The following PACSIN2 variants were observed in gnomAD, a reference collection of about 807,000 sequenced individuals.
PACSIN2 encodes the protein protein kinase C and casein kinase substrate in neurons protein 2.
Under a neutral mutation model 63.8 loss-of-function variants are expected in PACSIN2, and 25 were observed. The observed-to-expected ratio is 0.39, with a 90% CI of 0.29 to 0.55. The LOEUF (loss-of-function observed/expected upper bound fraction) is 0.55. Among genes scored for constraint, PACSIN2 ranks in the 20% least tolerant of loss-of-function variants. PACSIN2 has a pLI of 0.62. For missense variants in PACSIN2, 518 were observed against 646.9 expected, an observed-to-expected ratio of 0.80 and a Z score of 2.16; for synonymous variants, 255 against 256.2, an observed-to-expected ratio of 1.00 and a Z score of 0.05.
At position 42,898,962 on chromosome 22, in the gene PACSIN2, G is replaced by A. The variant is rs114861145; in HGVS notation, c.61-5349C>T. Among the ~76,000 whole-genome samples, 809 of 152,266 alleles carry A rather than the reference G, an allele frequency of 5.3e-3. 8 individuals carry two copies. Among genetic ancestry groups the A allele is most frequent in the African/African-American group, 0.019 (780 of 41,538 alleles). On this transcript the variant is annotated intron_variant, in intron 2 of 10. Coordinates refer to ENST00000263246, the MANE Select transcript of PACSIN2 (RefSeq NM_001184970.3). ...TGGGGGGACTATCCAAAGAGGCCACGTCAGCTCCTCCTCCATCCTGCATGC... is the reference window on the plus strand; with the variant it reads ...TGGGGGGACTATCCAAAGAGGCCACATCAGCTCCTCCTCCATCCTGCATGC...
intron 1 of PACSIN2, among the ~76,000 whole-genome samples, chr22:42,965,020 G>A (rs1252092581): frequency 6.6e-6 from 1 of 152,198 alleles, no homozygotes; most frequent in African/African-American, 2.4e-5. Flanking sequence ...GTAGCACCTA[G>A]GTTTGTCACA....
chr22:42,979,126 G>A (rs1921895237), intron 1 of PACSIN2, among the ~76,000 whole-genome samples: 2 of 152,164 alleles, frequency 1.3e-5, no homozygotes, highest in Admixed American at 6.5e-5. Flanking sequence ...ACCTGTACTG[G>A]CTGAGACATA....
At chr22:42,987,966 C>A (rs1922755741) in intron 1 of PACSIN2, among the ~76,000 whole-genome samples, 4 of 152,028 alleles carry the variant, frequency 2.6e-5, no homozygotes, top group Admixed American at 2.6e-4. Flanking sequence ...CATGGTGAAA[C>A]CCCGTCTCTA....
chr22:42,993,972 T>C (rs1923225267), intron 1 of PACSIN2, among the ~76,000 whole-genome samples: 1 of 152,126 alleles, frequency 6.6e-6, no homozygotes, highest in African/African-American at 2.4e-5. Flanking sequence ...GTATCTGTGG[T>C]TTGCTGCTGG....
chr22:42,961,440 G>T (rs1048474257), intron 1 of PACSIN2, among the ~76,000 whole-genome samples: 15 of 105,904 alleles, frequency 1.4e-4, no homozygotes, highest in African/African-American at 6.0e-4. Context: ...ACCCAAGAAT[G>T]ATCAATTAAA....
At chr22:43,010,398 ATT>A (rs1555950816) in intron 1 of PACSIN2, among the ~76,000 whole-genome samples, 1 of 126,396 alleles carries the variant, frequency 7.9e-6, no homozygotes, top group African/African-American at 2.8e-5. Flanking sequence ...ATATATATAT[ATT>A]TTTTTTTAAT....
intron 1 of PACSIN2, among the ~76,000 whole-genome samples, chr22:42,943,388 C>T (rs542083977): frequency 4.5e-4 from 68 of 152,054 alleles, no homozygotes; most frequent in Non-Finnish European, 7.5e-4. Context: ...GTTTTCTTGT[C>T]TAACTTCGAA....
chr22:42,942,836 A>C (rs1167839102), intron 1 of PACSIN2, among the ~76,000 whole-genome samples: 1 of 152,150 alleles, frequency 6.6e-6, no homozygotes, highest in Non-Finnish European at 1.5e-5. Flanking sequence ...GTAAATTGGG[A>C]AGTGTGAGCC....
chr22:43,001,257 C>T (rs1389977867), intron 1 of PACSIN2, among the ~76,000 whole-genome samples: 1 of 152,208 alleles, frequency 6.6e-6, no homozygotes, highest in Non-Finnish European at 1.5e-5. Context: ...TTGGGAGTAA[C>T]CGCCAGCTTA....
chr22:42,958,025 C>G (rs906401298), intron 1 of PACSIN2, among the ~76,000 whole-genome samples: 2 of 151,072 alleles, frequency 1.3e-5, no homozygotes, highest in African/African-American at 4.9e-5. Flanking sequence ...ATGGTACTTA[C>G]AGCAAAAAAG....
Position 42,884,515 on chromosome 22 carries a change from G to A in PACSIN2, c.656C>T (p.Thr219Ile), listed in dbSNP as rs763985490. 6 of 1,614,026 alleles carry A rather than the reference G, an allele frequency of 3.7e-6. No homozygotes were observed. The highest frequency in any genetic ancestry group is 1.3e-5 in the African/African-American group (1 of 74,928). The change falls in exon 6 of 11, where the codon ACA (threonine) becomes ATA (isoleucine). Residue 219 changes from threonine to isoleucine, a missense_variant. Thr to Ile is a moderately conservative substitution (Grantham distance 89). Coordinates refer to ENST00000263246, the MANE Select transcript of PACSIN2 (RefSeq NM_001184970.3). ...CTCCATGTTCTCCATGTACTGGGGT[G>A]TGCCCTGGTCGAGTTCCTTCAGGGA... The part of the protein sequence containing the change: ...EKSLKELDQG[T>I]PQYMENMEQV...
intron 1 of PACSIN2, among the ~76,000 whole-genome samples, chr22:42,969,927 AAAAAAGAAAAG>A (rs1266801347): frequency 1.3e-5 from 2 of 151,988 alleles, no homozygotes; most frequent in African/African-American, 4.8e-5. Flanking sequence ...AAAAAGAAAA[AAAAAAGAAAAG>A]AAACTAGAAT....
chr22:42,950,018 C>T (rs1277828879), intron 1 of PACSIN2, among the ~76,000 whole-genome samples: 1 of 152,166 alleles, frequency 6.6e-6, no homozygotes, highest in Admixed American at 6.5e-5. Flanking sequence ...TCACAGCACA[C>T]TCAGCCCTTC....
Position 42,884,570 on chromosome 22 carries a change from A to G in PACSIN2, c.610-9T>C, listed in dbSNP as rs1322514178. 1 of 1,611,510 alleles carries G rather than the reference A, an allele frequency of 6.2e-7. No homozygotes were observed. The highest frequency in any genetic ancestry group is 1.1e-5 in the South Asian group (1 of 90,824). ...TCATACTTCTCTTTGGTCTAAAGGA[A>G]AATCCAGGCACAAGACAGAGGTTCA... On this transcript the variant is annotated splice_polypyrimidine_tract_variant and intron_variant, in intron 5 of 10. Coordinates refer to ENST00000263246, the MANE Select transcript of PACSIN2 (RefSeq NM_001184970.3).
rs368177357 is a variant in PACSIN2, at chr22:42,924,588, C to T, written c.-77-12431G>A. ...CCACCGAGCTACTTTGTCCTCAGAC[C>T]CTGCTCTCCAACCCGCCACCACTGC... is the stretch of plus-strand genomic sequence containing the variant. On this transcript the variant is annotated intron_variant, in intron 1 of 10. Transcript: ENST00000263246. 1.8e-4 allele frequency among the ~76,000 whole-genome samples: 28 copies of T among 152,140 alleles called. 1 individual carries two copies. In the South Asian group the frequency reaches 2.1e-3, roughly 11 times the overall value.
At chr22:42,961,602 T>C (rs1420159261) in intron 1 of PACSIN2, among the ~76,000 whole-genome samples, 5 of 151,988 alleles carry the variant, frequency 3.3e-5, no homozygotes, top group Non-Finnish European at 7.4e-5. Flanking sequence ...TGAAACCTCA[T>C]CTCTACTAAA....
At chr22:42,927,998 G>A (rs948688665) in intron 1 of PACSIN2, among the ~76,000 whole-genome samples, 3 of 152,184 alleles carry the variant, frequency 2.0e-5, no homozygotes, top group Non-Finnish European at 4.4e-5. Context: ...CGGAGCCCAG[G>A]TTGGGGATGT....
Position 43,005,695 on chromosome 22 carries a change from C to T in PACSIN2, c.-78+9326G>A, listed in dbSNP as rs117682154. Reference sequence around the variant, plus strand: ...TATAGTTTGCTGGCAAATTCACTTACGTAGACTGATAGGAGAGTGACTGAA... The same window carrying T: ...TATAGTTTGCTGGCAAATTCACTTATGTAGACTGATAGGAGAGTGACTGAA... On this transcript the variant is annotated intron_variant, in intron 1 of 10. Transcript: ENST00000263246. Among the ~76,000 whole-genome samples, 756 of 152,256 alleles carry T rather than the reference C, an allele frequency of 5.0e-3. 5 individuals are homozygous for T. The highest frequency in any genetic ancestry group is 0.018 in the Admixed American group (269 of 15,290).
chr22:42,901,920 G>A (rs1930715890), intron 2 of PACSIN2, among the ~76,000 whole-genome samples: 1 of 152,210 alleles, frequency 6.6e-6, no homozygotes, highest in African/African-American at 2.4e-5. Context: ...GCTCGCCCCT[G>A]GCCCTTCCTC....
Sources: allele counts gnomAD v4.1 joint callset (sites outside exome capture counted in the v4.1 genomes callset), GRCh38; gene constraint gnomAD v4.1.1; transcripts MANE v1.5; gene names NCBI Gene and HGNC (gene_info 2026-07-23, HGNC 2026-07-21).